GOLGB1: variants seen among roughly 807,000 people sequenced by gnomAD.
GOLGB1 encodes the protein golgin B1.
In GOLGB1, 174 loss-of-function variants were observed where a neutral mutation model predicts 336.9. That is an observed-to-expected ratio of 0.52 (90% CI 0.46 to 0.59). The LOEUF is 0.59. GOLGB1 is among the 20% of genes least tolerant of loss of function. GOLGB1 has a pLI of 0.00. For synonymous variants in GOLGB1, 1,208 were observed against 1,289.2 expected, an observed-to-expected ratio of 0.94 and a Z score of 1.35; for missense variants, 3,331 against 3,645.3, an observed-to-expected ratio of 0.91 and a Z score of 2.22.
chr3:121,690,896 AGC>A lies in GOLGB1; in HGVS notation c.8466_8467del (p.Leu2822PhefsTer12). ...ATCTTCTAGTTGTGAGGACAAGTGA[AGC>A]AATTGCTCATCTTTGGATAGGAGCT... is the stretch of plus-strand genomic sequence containing the variant. On this transcript the variant is annotated frameshift_variant, in exon 14 of 22. Transcript: ENST00000614479. LOFTEE classifies it high-confidence loss of function. 6.2e-7 allele frequency: 1 copy of A among 1,614,194 alleles called. No homozygotes were observed. Among genetic ancestry groups the A allele is most frequent in the Non-Finnish European group, 8.5e-7 (1 of 1,179,984 alleles).
chr3:121,685,694 G>A (rs1261633969), intron 14 of GOLGB1, among the ~76,000 whole-genome samples: 1 of 152,024 alleles, frequency 6.6e-6, no homozygotes. Context: ...TGCAATATAA[G>A]CATGATATTT....
At chr3:121,735,903 T>C (rs1278706041) in intron 1 of GOLGB1, among the ~76,000 whole-genome samples, 1 of 151,994 alleles carries the variant, frequency 6.6e-6, no homozygotes, top group African/African-American at 2.4e-5. Context: ...CTTGGAGAAA[T>C]GGCTGCCTAT....
At chr3:121,674,776 A>G (rs1940083951) in intron 17 of GOLGB1, among the ~76,000 whole-genome samples, 1 of 152,046 alleles carries the variant, frequency 6.6e-6, no homozygotes. Context: ...GAAGACAAAT[A>G]ATAGTTATTG....
rs1483574696 is a variant in GOLGB1 at position 121,716,748 on chromosome 3, T to G, written c.1277A>C (p.Gln426Pro). The change falls in exon 9 of 22, where the codon CAG (glutamine) becomes CCG (proline). Residue 426 changes from glutamine (Q) to proline (P), a missense_variant. By Grantham distance (76) the Gln-to-Pro change is moderately conservative. Transcript: ENST00000614479. ...EQAVQSAQTIQQLEDQLQQKS... is the reference protein window; with the variant it reads ...EQAVQSAQTIPQLEDQLQQKS... The stretch of plus-strand genomic sequence containing the variant: ...AATCAGCTACTGACCTTCCAGTTGC[T>G]GAATGGTCTGGGCTGACTGAACTGC... 1 of 1,607,816 alleles carries G rather than the reference T, an allele frequency of 6.2e-7. No individual in the cohort carries two copies. Among genetic ancestry groups the G allele is most frequent in the Non-Finnish European group, 8.5e-7 (1 of 1,176,856 alleles).
chr3:121,717,141 T>TA lies in GOLGB1; in HGVS notation c.886-3dup, dbSNP rs145412246. 933 of 1,586,366 alleles carry TA rather than the reference T, an allele frequency of 5.9e-4. 3 individuals are homozygous for TA. The African/African-American group carries it at 0.011, about 19-fold the overall frequency. On this transcript the variant is annotated splice_region_variant and splice_polypyrimidine_tract_variant and intron_variant, in intron 8 of 21. Transcript: ENST00000614479. ...CTGCTGTAACTGCTGAGAGAGAATC[T>TA]AAGAAAAAAGACAAAGTCTCATGAG...
chr3:121,678,783 C>A (rs184846055), intron 15 of GOLGB1, among the ~76,000 whole-genome samples: 43 of 152,206 alleles, frequency 2.8e-4, no homozygotes, highest in Admixed American at 2.6e-3. Flanking sequence ...AACTCCTGAC[C>A]TCACATGATC....
intron 10 of GOLGB1, among the ~76,000 whole-genome samples, chr3:121,705,751 C>G (rs1943759650): frequency 6.6e-6 from 1 of 152,206 alleles, no homozygotes; most frequent in Admixed American, 6.5e-5. Context: ...GCATCCAAGG[C>G]TATCTGAACT....
chr3:121,700,170 T>C (rs1943278732), intron 11 of GOLGB1, among the ~76,000 whole-genome samples: 1 of 152,068 alleles, frequency 6.6e-6, no homozygotes, highest in Non-Finnish European at 1.5e-5. Context: ...AAAGCAGCTA[T>C]TTCTGTGGCA....
chr3:121,741,239 T>G, intron 1 of GOLGB1, among the ~76,000 whole-genome samples: 1 of 152,060 alleles, frequency 6.6e-6, no homozygotes, highest in East Asian at 1.9e-4. Context: ...GCAATCCAAA[T>G]GACTAAAGAA....
At chr3:121,676,773 A>C (rs1237237572) in intron 17 of GOLGB1, 120 bp downstream of exon 17, 1 of 859,486 alleles carries the variant, frequency 1.2e-6, no homozygotes, top group Non-Finnish European at 1.9e-6. Context: ...AGAAAGGTGA[A>C]ACTTCTGTAC....
At chr3:121,702,692 C>T in intron 10 of GOLGB1, 97 bp from the exon 11 acceptor site, 1 of 458,538 alleles carries the variant, frequency 2.2e-6, no homozygotes, top group Non-Finnish European at 3.9e-6. Flanking sequence ...TCTAGAAGTT[C>T]TCCAGCCATG....
At chr3:121,709,198 A>G (rs943710251) in intron 10 of GOLGB1, among the ~76,000 whole-genome samples, 8 of 152,236 alleles carry the variant, frequency 5.3e-5, no homozygotes, top group Non-Finnish European at 8.8e-5. Context: ...GAAGCAAAAA[A>G]TGACTACATT....
intron 14 of GOLGB1, 39 bp downstream of exon 14, chr3:121,690,631 A>C (rs1942321161): frequency 2.8e-6 from 3 of 1,065,142 alleles, no homozygotes; most frequent in Non-Finnish European, 2.6e-6. Context: ...AGGTTCAAAA[A>C]CTCTTAAACA....
At chr3:121,733,416 C>T (rs754397009) in intron 1 of GOLGB1, among the ~76,000 whole-genome samples, 54 of 151,046 alleles carry the variant, frequency 3.6e-4, no homozygotes, top group Admixed American at 1.6e-3. Flanking sequence ...AAACAGCTAA[C>T]AAAATATATG....
rs776941889 is a variant in GOLGB1, at chr3:121,677,463, T to C, written c.8874-13A>G. ...ACTCTTCTCCATCCTAGAAAAAACATGACACAATCACAGGTAAAAATATAC... is the reference window on the plus strand; with the variant it reads ...ACTCTTCTCCATCCTAGAAAAAACACGACACAATCACAGGTAAAAATATAC... On this transcript the variant is annotated splice_polypyrimidine_tract_variant and intron_variant, in intron 15 of 21. Coordinates refer to ENST00000614479, the MANE Select transcript of GOLGB1 (RefSeq NM_001366282.2). 2.6e-5 allele frequency: 41 copies of C among 1,592,044 alleles called. No homozygotes were observed. The highest frequency in any genetic ancestry group is 5.2e-6 in the Non-Finnish European group (6 of 1,160,604).
intron 1 of GOLGB1, among the ~76,000 whole-genome samples, chr3:121,747,384 C>CGTATATATACATATATACGTATATATAT (rs1560353044): frequency 2.2e-5 from 3 of 136,726 alleles, no homozygotes; most frequent in African/African-American, 8.5e-5. Context: ...TGTCTATATA[C>CGTATATATACATATATACGTATATATAT]GTATATATAT....
chr3:121,738,874 T>C (rs145290209), intron 1 of GOLGB1, among the ~76,000 whole-genome samples: 2 of 152,214 alleles, frequency 1.3e-5, no homozygotes, highest in African/African-American at 4.8e-5. Context: ...AGTTGAACAA[T>C]GTCTGAAAAT....
intron 1 of GOLGB1, among the ~76,000 whole-genome samples, chr3:121,732,319 A>G (rs1455613173): frequency 6.6e-6 from 1 of 152,216 alleles, no homozygotes; most frequent in African/African-American, 2.4e-5. Flanking sequence ...CCAATTTTAT[A>G]TAATCTATGC....
chr3:121,703,004 G>C (rs1199879658), intron 10 of GOLGB1, among the ~76,000 whole-genome samples: 1 of 152,158 alleles, frequency 6.6e-6, no homozygotes, highest in Non-Finnish European at 1.5e-5. Flanking sequence ...GAGGAATAGA[G>C]GCAAAGGAAT....
Sources: gnomAD v4.1 joint callset for allele counts (sites outside exome capture counted in the v4.1 genomes callset) on GRCh38, gnomAD v4.1.1 for gene constraint, MANE v1.5 for transcripts, NCBI Gene and HGNC (gene_info 2026-07-23, HGNC 2026-07-21) for gene names.